Variants in TIAM1 observed in about 807,000 individuals in gnomAD.
The protein encoded by TIAM1 is TIAM Rac1 associated GEF 1, also known as rho guanine nucleotide exchange factor TIAM1.
In TIAM1, 65 loss-of-function variants were observed where a neutral mutation model predicts 163.5. The ratio of observed to expected loss-of-function variants is 0.40; its 90% CI spans 0.33 to 0.49. The LOEUF (loss-of-function observed/expected upper bound fraction) is 0.49. TIAM1 is among the 20% of genes least tolerant of loss of function. The pLI, the probability that TIAM1 is intolerant of heterozygous loss-of-function variation, is 0.77. For synonymous variants in TIAM1, 833 were observed against 810.1 expected, an observed-to-expected ratio of 1.03 and a Z score of -0.48; for missense variants, 1,789 against 2,044.7, an observed-to-expected ratio of 0.87 and a Z score of 2.41.
chr21:31,241,855 A>T (rs968412986), intron 6 of TIAM1, among the ~76,000 whole-genome samples: 5 of 152,048 alleles, frequency 3.3e-5, no homozygotes, highest in Non-Finnish European at 4.4e-5. Context: ...AAATATTTTT[A>T]AAAAATCAGC....
At chr21:31,479,132 C>G (rs1314037769) in intron 1 of TIAM1, among the ~76,000 whole-genome samples, 1 of 152,210 alleles carries the variant, frequency 6.6e-6, no homozygotes, top group Non-Finnish European at 1.5e-5. Flanking sequence ...GTCTGCACAA[C>G]TTAGATTCCA....
chr21:31,254,709 AAAAC>A (rs1319564504), intron 4 of TIAM1, among the ~76,000 whole-genome samples: 7 of 152,290 alleles, frequency 4.6e-5, no homozygotes, highest in Admixed American at 1.3e-4. Flanking sequence ...GTCTCAAAAC[AAAAC>A]AAACAAACAA....
chr21:31,347,370 T>C (rs114470076), upstream of TIAM1, among the ~76,000 whole-genome samples: 461 of 152,288 alleles, frequency 3.0e-3, 3 homozygotes, highest in African/African-American at 0.011. Context: ...TTTACTGCTA[T>C]AGCAGAAGGG....
chr21:31,325,766 T>C (rs1346604480), intron 2 of TIAM1, among the ~76,000 whole-genome samples: 1 of 152,082 alleles, frequency 6.6e-6, no homozygotes, highest in East Asian at 1.9e-4. Flanking sequence ...TTCTACCTTT[T>C]AAGTCAAAAA....
chr21:31,125,734 A>C (rs2082172082), intron 26 of TIAM1, among the ~76,000 whole-genome samples: 1 of 152,198 alleles, frequency 6.6e-6, no homozygotes, highest in Non-Finnish European at 1.5e-5. Flanking sequence ...GCCACCAGGC[A>C]TGGCTAACTT....
chr21:31,128,563 C>T (rs954668770), intron 25 of TIAM1, among the ~76,000 whole-genome samples: 2 of 152,136 alleles, frequency 1.3e-5, no homozygotes, highest in African/African-American at 2.4e-5. Flanking sequence ...TCATAACCTA[C>T]GATTCTAAGT....
intron 1 of TIAM1, among the ~76,000 whole-genome samples, chr21:31,543,399 CTCCACAG>C (rs2048381760): frequency 6.6e-6 from 1 of 152,242 alleles, no homozygotes; most frequent in Non-Finnish European, 1.5e-5. Context: ...GGCCAAGCTC[CTCCACAG>C]CAGCGCCGTG....
chr21:31,370,658 T>C (rs2076582160), intron 2 of TIAM1, among the ~76,000 whole-genome samples: 2 of 152,128 alleles, frequency 1.3e-5, no homozygotes, highest in South Asian at 4.1e-4. Flanking sequence ...CAAAAAACAA[T>C]ATGTACAAGA....
intron 13 of TIAM1, among the ~76,000 whole-genome samples, chr21:31,194,247 C>T (rs2085732264): frequency 6.6e-6 from 1 of 152,080 alleles, no homozygotes. Context: ...ACAACGAAGC[C>T]GCTTCAGTAT....
chr21:31,298,382 T>C (rs992992617), intron 2 of TIAM1, among the ~76,000 whole-genome samples: 1 of 152,186 alleles, frequency 6.6e-6, no homozygotes, highest in Non-Finnish European at 1.5e-5. Context: ...AAACTGTCTA[T>C]TGAAAACCTG....
intron 2 of TIAM1, among the ~76,000 whole-genome samples, chr21:31,444,345 A>T (rs1273821481): frequency 6.6e-6 from 1 of 151,810 alleles, no homozygotes; most frequent in Non-Finnish European, 1.5e-5. Flanking sequence ...TTAAAAATAA[A>T]ATCAGTAAAT....
At chr21:31,210,511 G>A (rs1322639906) in intron 10 of TIAM1, among the ~76,000 whole-genome samples, 3 of 133,756 alleles carry the variant, frequency 2.2e-5, no homozygotes, top group Non-Finnish European at 4.8e-5. Flanking sequence ...AAGAAAGAAA[G>A]AGAGAGAGAT....
chr21:31,332,291 A>G (rs954438994), intron 2 of TIAM1, among the ~76,000 whole-genome samples: 1 of 152,234 alleles, frequency 6.6e-6, no homozygotes, highest in Non-Finnish European at 1.5e-5. Flanking sequence ...CAGCACTATC[A>G]AGCTAAAAGT....
chr21:31,337,163 A>G (rs1433176081), intron 2 of TIAM1, among the ~76,000 whole-genome samples: 1 of 152,268 alleles, frequency 6.6e-6, no homozygotes, highest in East Asian at 1.9e-4. Flanking sequence ...TTTGATTAGG[A>G]AGTGTTTTCA....
intron 14 of TIAM1, among the ~76,000 whole-genome samples, chr21:31,185,046 C>G (rs1012436852): frequency 7.2e-5 from 11 of 152,160 alleles, no homozygotes; most frequent in Non-Finnish European, 1.5e-4. Context: ...AATTTCCCTT[C>G]TCTGCTCCAT....
intron 1 of TIAM1, among the ~76,000 whole-genome samples, chr21:31,534,771 T>G (rs2048074848): frequency 6.6e-6 from 1 of 152,156 alleles, no homozygotes; most frequent in South Asian, 2.1e-4. Context: ...CCCAAAATCC[T>G]AAAAGAGTAA....
At chr21:31,250,516 C>G (rs754756749) in intron 5 of TIAM1, among the ~76,000 whole-genome samples, 1 of 152,230 alleles carries the variant, frequency 6.6e-6, no homozygotes, top group Non-Finnish European at 1.5e-5. Context: ...GTTCACCTCA[C>G]TGAGCAGAGC....
chr21:31,229,574 A>G (rs2088279298), intron 6 of TIAM1, among the ~76,000 whole-genome samples: 1 of 152,164 alleles, frequency 6.6e-6, no homozygotes, highest in South Asian at 2.1e-4. Context: ...CCTTGACCCG[A>G]AACATGCTTT....
chr21:31,351,552 G>A (rs2076234555), intron 2 of TIAM1, among the ~76,000 whole-genome samples: 1 of 152,182 alleles, frequency 6.6e-6, no homozygotes, highest in African/African-American at 2.4e-5. Context: ...AAGCAAGCAA[G>A]GGGCCCAGAG....
Sources: allele counts gnomAD v4.1 joint callset (sites outside exome capture counted in the v4.1 genomes callset), GRCh38; gene constraint gnomAD v4.1.1; transcripts MANE v1.5; gene names NCBI Gene and HGNC (gene_info 2026-07-23, HGNC 2026-07-21).